PIWIL1: variants seen among roughly 807,000 people sequenced by gnomAD.
The protein encoded by PIWIL1 is piwi-like protein 1.
A neutral mutation model predicts 114.4 loss-of-function variants in PIWIL1; 73 were observed. The observed-to-expected ratio is 0.64, with a 90% CI of 0.53 to 0.78. The LOEUF (loss-of-function observed/expected upper bound fraction) is 0.78. PIWIL1 is among the 30% of genes least tolerant of loss of function. The pLI is 0.00. For synonymous variants in PIWIL1, 375 were observed against 369.0 expected (o/e 1.02, Z -0.19); for missense variants, 723 against 1,063.1 (o/e 0.68, Z 4.45).
Position 130,371,834 on chromosome 12 carries a change from T to G in PIWIL1, c.*236T>G, listed in dbSNP as rs2073823675. The G allele has an allele frequency of 3.5e-6, 1 of 282,068 alleles. No individual in the cohort carries two copies. Among genetic ancestry groups the G allele is most frequent in the African/African-American group, 2.2e-5 (1 of 44,960 alleles). 17.5% of individuals were successfully genotyped at this position (282,068 alleles called of 1,614,324 possible). On this transcript the variant is annotated 3_prime_UTR_variant, in exon 21 of 21. Coordinates refer to ENST00000245255, the MANE Select transcript of PIWIL1 (RefSeq NM_004764.5). ...TCATAGATATTTTGTGAGCATTTTTTTGTTTATTTTGAAGAAATGTGGATA... is the reference window on the plus strand; with the variant it reads ...TCATAGATATTTTGTGAGCATTTTTGTGTTTATTTTGAAGAAATGTGGATA...
At chr12:130,422,393 G>T in the PIWIL1 span, 1 of 1,206,352 alleles carries the variant, frequency 8.3e-7, no homozygotes, top group South Asian at 1.3e-5. This position sits in a 1 kb window ranked among gnomAD's most constrained non-coding sequence, Gnocchi z 5.2. Flanking sequence ...TGCTTAGATG[G>T]AGTAAGCAGC....
intron 2 of PIWIL1, 148 bp downstream of exon 2, chr12:130,342,817 T>A: frequency 1.3e-6 from 1 of 750,174 alleles, no homozygotes; most frequent in Non-Finnish European, 2.3e-6. Flanking sequence ...TATTAGAAGC[T>A]GATTCGTGAC....
At position 130,349,916 on chromosome 12, in the gene PIWIL1, C is replaced by A. The variant is rs920519606; in HGVS notation, c.993C>A (p.Thr331=). The A allele has an allele frequency of 1.2e-6, 2 of 1,613,406 alleles. No individual in the cohort carries two copies. Among genetic ancestry groups the A allele is most frequent in the Non-Finnish European group, 1.7e-6 (2 of 1,179,654 alleles). Reference sequence around the variant, plus strand: ...ACTGGGACCAGAATCCCAAGAGCACCTTTAAGAAAGCCGACGGCTCTGAAG... The same window carrying A: ...ACTGGGACCAGAATCCCAAGAGCACATTTAAGAAAGCCGACGGCTCTGAAG... ...DIDWDQNPKS[T]FKKADGSEVS... Residue 331 remains threonine, a synonymous_variant, in exon 9 of 21, where the codon ACC becomes ACA. Coordinates refer to ENST00000245255, the MANE Select transcript of PIWIL1 (RefSeq NM_004764.5).
chr12:130,382,169 T>TTAC, the PIWIL1 span, among the ~76,000 whole-genome samples: 1 of 152,244 alleles, frequency 6.6e-6, no homozygotes, highest in Non-Finnish European at 1.5e-5. Flanking sequence ...TTGGGTAAAG[T>TTAC]TACTGCCTTT....
intron 16 of PIWIL1, among the ~76,000 whole-genome samples, chr12:130,362,135 G>A (rs1051498640): frequency 2.6e-5 from 4 of 152,124 alleles, no homozygotes; most frequent in Non-Finnish European, 5.9e-5. Flanking sequence ...AGGTAAACTC[G>A]TGTCATGGGG....
At chr12:130,416,854 C>T in the PIWIL1 span, among the ~76,000 whole-genome samples, 2 of 151,920 alleles carry the variant, frequency 1.3e-5, no homozygotes, top group East Asian at 1.9e-4. Flanking sequence ...CTGCAAGGAA[C>T]TTAAATCAAC....
chr12:130,393,791 T>C, the PIWIL1 span, among the ~76,000 whole-genome samples: 1 of 152,282 alleles, frequency 6.6e-6, no homozygotes, highest in South Asian at 2.1e-4. Context: ...AACACACACG[T>C]TCAAGGCTTT....
chr12:130,345,426 A>G (rs529279390), intron 3 of PIWIL1: 101 of 187,956 alleles, frequency 5.4e-4, no homozygotes, highest in Non-Finnish European at 9.4e-4. Context: ...ACAGAAAAAT[A>G]ATTTCCCAGT....
At chr12:130,355,073 G>T (rs2073327380) in intron 11 of PIWIL1, 68 bp downstream of exon 11, 2 of 976,242 alleles carry the variant, frequency 2.0e-6, no homozygotes, top group Non-Finnish European at 3.3e-6. Context: ...GCTTTGAGGG[G>T]TATCTTTTGA....
At chr12:130,408,473 C>G in the PIWIL1 span, among the ~76,000 whole-genome samples, 1 of 152,202 alleles carries the variant, frequency 6.6e-6, no homozygotes, top group Non-Finnish European at 1.5e-5. Context: ...GGTGCATTCC[C>G]ACGGCCTGGC....
the PIWIL1 span, among the ~76,000 whole-genome samples, chr12:130,401,117 TC>T: frequency 2.6e-5 from 4 of 151,688 alleles, no homozygotes; most frequent in Non-Finnish European, 4.4e-5. Context: ...TGATTTTATA[TC>T]TTTTTTTTTT....
At position 130,361,574 on chromosome 12, in the gene PIWIL1, T is replaced by C. The variant is rs757692997; in HGVS notation, c.1943T>C (p.Val648Ala). 10 of 1,614,210 alleles carry C rather than the reference T, an allele frequency of 6.2e-6. No individual in the cohort carries two copies. In the South Asian group the frequency reaches 9.9e-5, roughly 16 times the overall value. Reference protein sequence around the residue: ...TAGRRSIAGFVASINEGMTRW... With the variant: ...TAGRRSIAGFAASINEGMTRW... Reference sequence around the variant, plus strand: ...GGGCGGAGGTCAATCGCAGGATTTGTTGCCAGCATCAATGAAGGGATGACC... The same window carrying C: ...GGGCGGAGGTCAATCGCAGGATTTGCTGCCAGCATCAATGAAGGGATGACC... The change falls in exon 16 of 21, where the codon GTT becomes GCT. Residue 648 changes from valine (V) to alanine (A), a missense_variant. Transcript: ENST00000245255.
chr12:130,352,946 A>ATG (rs1469312822), intron 9 of PIWIL1, among the ~76,000 whole-genome samples: 1 of 152,252 alleles, frequency 6.6e-6, no homozygotes, highest in Non-Finnish European at 1.5e-5. Context: ...CAGAGGTCAG[A>ATG]TGTGAGTGTT....
At chr12:130,422,799 G>T in the PIWIL1 span, among the ~76,000 whole-genome samples, 40 of 152,064 alleles carry the variant, frequency 2.6e-4, no homozygotes, top group African/African-American at 6.5e-4. This position sits in a 1 kb window ranked among gnomAD's most constrained non-coding sequence, Gnocchi z 5.2. Flanking sequence ...AATTCCTTGT[G>T]GGGGGGTCTC....
chr12:130,362,436 T>C (rs1047986829), intron 16 of PIWIL1, among the ~76,000 whole-genome samples: 2 of 152,222 alleles, frequency 1.3e-5, no homozygotes, highest in African/African-American at 4.8e-5. Flanking sequence ...AGCACAGCCA[T>C]GAGTGTGCTT....
At position 130,368,607 on chromosome 12, in the gene PIWIL1, GA is replaced by G. The variant is rs535484979; in HGVS notation, c.2321+1352del. On this transcript the variant is annotated intron_variant, in intron 19 of 20. Transcript: ENST00000245255. ...TAGCCTATTGGGGAAAAATTGGCTAGAAAGACAAAAGAAGGCTAAGATGTTA... is the reference window on the plus strand; with the variant it reads ...TAGCCTATTGGGGAAAAATTGGCTAGAAGACAAAAGAAGGCTAAGATGTTA... 2.4e-4 allele frequency among the ~76,000 whole-genome samples: 36 copies of G among 152,258 alleles called. No individual in the cohort carries two copies. In the South Asian group the frequency reaches 7.3e-3, roughly 31 times the overall value.
chr12:130,363,585 T>C (rs2073571808), intron 18 of PIWIL1, among the ~76,000 whole-genome samples: 1 of 146,700 alleles, frequency 6.8e-6, no homozygotes, highest in Non-Finnish European at 1.5e-5. Context: ...TCTAGTCTCA[T>C]GGGGCAGGGG....
intron 19 of PIWIL1, among the ~76,000 whole-genome samples, chr12:130,370,322 A>G (rs1420936844): frequency 1.3e-5 from 2 of 152,008 alleles, no homozygotes; most frequent in East Asian, 3.9e-4. Context: ...TCCTGCAACC[A>G]TAGATTCAAC....
the PIWIL1 span, among the ~76,000 whole-genome samples, chr12:130,392,182 G>A: frequency 8.1e-3 from 352 of 43,322 alleles, 5 homozygotes; most frequent in Middle Eastern, 0.039. Flanking sequence ...GTGATGACCC[G>A]GTCACCGTCA....
Sources: gnomAD v4.1 joint callset for allele counts (sites outside exome capture counted in the v4.1 genomes callset) on GRCh38, gnomAD v4.1.1 for gene constraint, Gnocchi (gnomAD v3.1) non-coding constraint, MANE v1.5 for transcripts, NCBI Gene and HGNC (gene_info 2026-07-23, HGNC 2026-07-21) for gene names.